Variants in NTRK3 observed in about 807,000 individuals in gnomAD.
The protein encoded by NTRK3 is neurotrophic receptor tyrosine kinase 3, also known as NT-3 growth factor receptor.
A neutral mutation model predicts 91.7 loss-of-function variants in NTRK3; 24 were observed. The observed-to-expected ratio is 0.26, with a 90% CI of 0.19 to 0.37. The LOEUF is 0.37. NTRK3 is among the 10% of genes least tolerant of loss of function. NTRK3 has a pLI of 1.00. For missense variants in NTRK3, 880 were observed against 1,068.9 expected, an observed-to-expected ratio of 0.82 and a Z score of 2.46; for synonymous variants, 483 against 404.0, an observed-to-expected ratio of 1.20 and a Z score of -2.34.
chr15:88,033,403 T>C (rs552331315), intron 13 of NTRK3, among the ~76,000 whole-genome samples: 1 of 151,414 alleles, frequency 6.6e-6, no homozygotes, highest in African/African-American at 2.4e-5. Context: ...CTCTACCTCC[T>C]GGACTCAAGC....
At chr15:87,861,316 C>T (rs2141370217) in exon 19 of NTRK3, 2 of 217,068 alleles carry the variant, frequency 9.2e-6, no homozygotes, top group South Asian at 1.9e-4. Flanking sequence ...TAATAATGCA[C>T]TGAAGTAGGT....
intron 14 of NTRK3, among the ~76,000 whole-genome samples, chr15:88,012,197 C>A (rs1034414686): frequency 2.0e-5 from 3 of 152,210 alleles, no homozygotes; most frequent in Non-Finnish European, 4.4e-5. Context: ...CCTCCACGAA[C>A]CTATAAGACA....
At chr15:88,121,419 G>C (rs1028850275) in intron 13 of NTRK3, among the ~76,000 whole-genome samples, 1 of 152,110 alleles carries the variant, frequency 6.6e-6, no homozygotes, top group Non-Finnish European at 1.5e-5. Context: ...TCTGGGCCTC[G>C]GTTTCTTCAC....
At chr15:88,091,208 C>G (rs546099815) in intron 13 of NTRK3, among the ~76,000 whole-genome samples, 2 of 152,124 alleles carry the variant, frequency 1.3e-5, no homozygotes, top group Non-Finnish European at 2.9e-5. Flanking sequence ...CTTTTGTTAA[C>G]GGATGCCAAA....
chr15:87,981,195 GC>G (rs745846586), intron 14 of NTRK3: 39 of 1,555,188 alleles, frequency 2.5e-5, no homozygotes, highest in Admixed American at 5.9e-5. Flanking sequence ...GATCTTTACT[GC>G]ATACAAAGAC....
At chr15:88,034,689 A>T (rs984678205) in intron 13 of NTRK3, among the ~76,000 whole-genome samples, 1 of 152,226 alleles carries the variant, frequency 6.6e-6, no homozygotes, top group African/African-American at 2.4e-5. Context: ...AGCACCAATG[A>T]GGCAGAACTA....
chr15:87,952,602 T>C (rs1276014425), intron 14 of NTRK3, among the ~76,000 whole-genome samples: 1 of 152,198 alleles, frequency 6.6e-6, no homozygotes, highest in African/African-American at 2.4e-5. Flanking sequence ...AAAGTTATCT[T>C]GGCCGCCGGC....
intron 5 of NTRK3, among the ~76,000 whole-genome samples, chr15:88,181,182 G>A (rs2046422913): frequency 6.6e-6 from 1 of 152,120 alleles, no homozygotes; most frequent in South Asian, 2.1e-4. Flanking sequence ...GCAAGAGCTG[G>A]CCAATGTGTC....
At chr15:88,033,197 T>C (rs1436449538) in intron 13 of NTRK3, 152 bp from the exon 14 acceptor site, 2,300 of 157,902 alleles carry the variant, frequency 0.015, 261 homozygotes, top group Middle Eastern at 0.031. Flanking sequence ...TATATATATA[T>C]ATATATATAT....
rs530117553 is a variant in NTRK3 at position 87,991,899 on chromosome 15, AT to A, written c.1585+40957del. Among the ~76,000 whole-genome samples, 37 of 151,766 alleles carry A rather than the reference AT, an allele frequency of 2.4e-4. No individual in the cohort carries two copies. In the South Asian group the frequency reaches 7.7e-3, roughly 32 times the overall value. ...AGGATATCTGAGGATATCTTTGTCT[AT>A]CTCCCAGATGCTGTTGTGATTTTTT... On this transcript the variant is annotated intron_variant, in intron 14 of 18. Coordinates refer to ENST00000394480, the Ensembl canonical transcript of NTRK3.
intron 3 of NTRK3, among the ~76,000 whole-genome samples, chr15:88,205,648 C>A (rs1034423002): frequency 1.3e-5 from 2 of 152,206 alleles, no homozygotes; most frequent in African/African-American, 2.4e-5. Flanking sequence ...CTATCCTAAG[C>A]CCCCAAAACG....
chr15:88,070,309 T>C (rs529616638), intron 13 of NTRK3, among the ~76,000 whole-genome samples: 3 of 152,030 alleles, frequency 2.0e-5, no homozygotes, highest in East Asian at 3.9e-4. Context: ...GCAAGAGCCC[T>C]CCTCTTTCCC....
At chr15:87,981,062 T>A (rs975093253) in intron 14 of NTRK3, among the ~76,000 whole-genome samples, 14 of 152,168 alleles carry the variant, frequency 9.2e-5, no homozygotes, top group African/African-American at 3.1e-4. Flanking sequence ...GACACTCCTT[T>A]AATTTAAGGG....
At chr15:88,135,314 G>T in exon 10 of NTRK3, 1 of 1,614,216 alleles carries the variant, frequency 6.2e-7, no homozygotes, top group Non-Finnish European at 8.5e-7. Context: ...TGCAGCGTTG[G>T]TGGGGGGTTG....
chr15:88,038,799 C>T (rs982853084), intron 13 of NTRK3, among the ~76,000 whole-genome samples: 2 of 151,570 alleles, frequency 1.3e-5, no homozygotes, highest in African/African-American at 4.8e-5. Context: ...CCTGTGGTGA[C>T]GGAGCTGTGC....
chr15:87,910,053 GA>G (rs1177025816), intron 17 of NTRK3, among the ~76,000 whole-genome samples: 1 of 152,204 alleles, frequency 6.6e-6, no homozygotes, highest in African/African-American at 2.4e-5. Flanking sequence ...GGCCACCGGG[GA>G]CAGACTGGCT....
chr15:88,156,022 A>T (rs1463244032), intron 5 of NTRK3, among the ~76,000 whole-genome samples: 1 of 152,220 alleles, frequency 6.6e-6, no homozygotes, highest in Non-Finnish European at 1.5e-5. Flanking sequence ...AAATCCAGAC[A>T]TTGCCTGAAG....
chr15:87,900,690 G>GGTGTGTGTGT (rs61498493), intron 17 of NTRK3, among the ~76,000 whole-genome samples: 166 of 138,336 alleles, frequency 1.2e-3, no homozygotes, highest in South Asian at 2.9e-3. Context: ...CTTTACAGAG[G>GGTGTGTGTGT]GTGTGTGTGT....
At chr15:87,996,927 T>A (rs2075748247) in intron 14 of NTRK3, among the ~76,000 whole-genome samples, 1 of 152,232 alleles carries the variant, frequency 6.6e-6, no homozygotes, top group African/African-American at 2.4e-5. Context: ...ATCCCCCAAA[T>A]GCACTCACTG....
Sources: allele counts gnomAD v4.1 joint callset (sites outside exome capture counted in the v4.1 genomes callset), GRCh38; gene constraint gnomAD v4.1.1; transcripts MANE v1.5; gene names NCBI Gene and HGNC (gene_info 2026-07-23, HGNC 2026-07-21).